EGFLAM: variants seen among roughly 807,000 people sequenced by gnomAD.
EGFLAM encodes the protein pikachurin.
A neutral mutation model predicts 113.1 loss-of-function variants in EGFLAM; 79 were observed. That is an observed-to-expected ratio of 0.70 (90% CI 0.58 to 0.84). EGFLAM has a LOEUF of 0.84. Ranked by LOEUF, EGFLAM falls within the 40% of genes least tolerant of loss-of-function variation. The probability of loss-of-function intolerance (pLI) is 0.00; values close to 1 mark genes in which losing one functional copy is unlikely to be tolerated. For missense variants in EGFLAM, 1,265 were observed against 1,291.6 expected (o/e 0.98, Z 0.32); for synonymous variants, 504 against 487.6 (o/e 1.03, Z -0.44).
intron 6 of EGFLAM, chr5:38,401,982 G>C (rs961803446): frequency 1.3e-5 from 2 of 152,200 alleles, no homozygotes; most frequent in African/African-American, 4.8e-5. Flanking sequence ...TCCCAGAAGA[G>C]TCTGTTTTCT....
intron 14 of EGFLAM, 31 bp downstream of exon 14, chr5:38,427,283 C>T (rs373778274): frequency 1.4e-4 from 231 of 1,603,332 alleles, no homozygotes; most frequent in Non-Finnish European, 1.9e-4. Flanking sequence ...GGACTCTTTC[C>T]CTTAAAAAGG....
At chr5:38,289,398 C>T (rs1758253873) in intron 1 of EGFLAM, among the ~76,000 whole-genome samples, 1 of 152,102 alleles carries the variant, frequency 6.6e-6, no homozygotes. Context: ...TCGGAGTAAG[C>T]TAGATAATGC....
chr5:38,445,749 G>A, intron 17 of EGFLAM: 1 of 1,589,210 alleles, frequency 6.3e-7, no homozygotes, highest in Non-Finnish European at 8.5e-7. Flanking sequence ...GCTCTGGGCT[G>A]GGGCAGGCCA....
chr5:38,388,193 A>G (rs1458237271), intron 6 of EGFLAM, among the ~76,000 whole-genome samples: 2 of 152,272 alleles, frequency 1.3e-5, no homozygotes, highest in Non-Finnish European at 2.9e-5. Context: ...TAACATAATC[A>G]GAAATTAAAT....
chr5:38,445,807 G>T, intron 17 of EGFLAM: 1 of 1,223,754 alleles, frequency 8.2e-7, no homozygotes, highest in Non-Finnish European at 1.2e-6. Flanking sequence ...GCTGGGACAT[G>T]CCTACGCGTG....
At chr5:38,349,289 C>T (rs1033361627) in intron 3 of EGFLAM, among the ~76,000 whole-genome samples, 6 of 152,120 alleles carry the variant, frequency 3.9e-5, no homozygotes, top group Non-Finnish European at 8.8e-5. Context: ...ACCAGACCTG[C>T]ATGGTCAGGG....
At chr5:38,367,552 C>G (rs185648443) in intron 5 of EGFLAM, among the ~76,000 whole-genome samples, 1 of 152,168 alleles carries the variant, frequency 6.6e-6, no homozygotes, top group African/African-American at 2.4e-5. Flanking sequence ...CACCAGATGG[C>G]CAGATGTTCT....
chr5:38,361,004 G>A (rs1420872507), intron 5 of EGFLAM, among the ~76,000 whole-genome samples: 1 of 149,582 alleles, frequency 6.7e-6, no homozygotes, highest in African/African-American at 2.5e-5. Flanking sequence ...ACAGGCATGT[G>A]CCACCACGCC....
At chr5:38,445,060 A>G (rs1467892625) in intron 17 of EGFLAM, among the ~76,000 whole-genome samples, 1 of 152,138 alleles carries the variant, frequency 6.6e-6, no homozygotes, top group Non-Finnish European at 1.5e-5. Flanking sequence ...TTGTCCCTAT[A>G]TATACTCACT....
At chr5:38,450,822 C>T (rs1324179553) in intron 18 of EGFLAM, among the ~76,000 whole-genome samples, 1 of 130,104 alleles carries the variant, frequency 7.7e-6, no homozygotes, top group East Asian at 1.9e-4. Context: ...AGGCCTTGTT[C>T]CTTTGTCTGA....
intron 6 of EGFLAM, among the ~76,000 whole-genome samples, chr5:38,395,660 T>C (rs913968664): frequency 3.3e-5 from 5 of 152,108 alleles, no homozygotes. Context: ...GGTGCTCACA[T>C]CTTAGCTTCA....
intron 6 of EGFLAM, among the ~76,000 whole-genome samples, chr5:38,397,440 AT>A (rs1561067258): frequency 6.6e-6 from 1 of 152,104 alleles, no homozygotes; most frequent in Admixed American, 6.6e-5. Context: ...CTCAGTTGCA[AT>A]TTTTTTTAAT....
chr5:38,345,929 T>C (rs1168874833), intron 3 of EGFLAM: 2 of 152,196 alleles, frequency 1.3e-5, no homozygotes, highest in African/African-American at 4.8e-5. Context: ...GAGGATTCCA[T>C]TTGAGAGGAG....
At chr5:38,264,354 C>A (rs1413992985) in intron 1 of EGFLAM, among the ~76,000 whole-genome samples, 2 of 152,136 alleles carry the variant, frequency 1.3e-5, no homozygotes, top group Non-Finnish European at 1.5e-5. Flanking sequence ...TTTCTTTCCA[C>A]TTTGTCAGTA....
At chr5:38,284,985 CAA>C (rs1300277516) in intron 1 of EGFLAM, among the ~76,000 whole-genome samples, 7 of 152,122 alleles carry the variant, frequency 4.6e-5, no homozygotes, top group African/African-American at 7.2e-5. Context: ...AAAGAAAAAA[CAA>C]GACTCAATTG....
chr5:38,346,710 G>A (rs1447204096), intron 3 of EGFLAM, among the ~76,000 whole-genome samples: 1 of 152,186 alleles, frequency 6.6e-6, no homozygotes, highest in Non-Finnish European at 1.5e-5. Flanking sequence ...CTGGGAGAGT[G>A]CTGTGTTGGT....
intron 13 of EGFLAM, among the ~76,000 whole-genome samples, chr5:38,425,666 C>T (rs1421083477): frequency 6.6e-6 from 1 of 152,210 alleles, no homozygotes; most frequent in Non-Finnish European, 1.5e-5. Flanking sequence ...CTCCGTCCCT[C>T]AGCCAAACAT....
At chr5:38,337,770 C>A (rs1346237253) in intron 2 of EGFLAM, 141 bp downstream of exon 2, 2 of 718,984 alleles carry the variant, frequency 2.8e-6, no homozygotes, top group East Asian at 2.7e-5. Context: ...AAGAAATGTC[C>A]CGCTTTGGAG....
chr5:38,297,061 G>A (rs572769484), intron 1 of EGFLAM, among the ~76,000 whole-genome samples: 3 of 152,276 alleles, frequency 2.0e-5, no homozygotes, highest in East Asian at 1.9e-4. Flanking sequence ...GTTACAGATC[G>A]GGGGAGATTA....
Sources: gnomAD v4.1 joint callset for allele counts (sites outside exome capture counted in the v4.1 genomes callset) on GRCh38, gnomAD v4.1.1 for gene constraint, MANE v1.5 for transcripts, NCBI Gene and HGNC (gene_info 2026-07-23, HGNC 2026-07-21) for gene names.